The following TPD52 variants were observed in gnomAD, a reference collection of about 807,000 sequenced individuals.
TPD52 encodes the protein prostate and colon associated protein.
Under a neutral mutation model 31.3 loss-of-function variants are expected in TPD52, and 17 were observed. That is an observed-to-expected ratio of 0.54 (90% confidence interval 0.37 to 0.82). TPD52 has a LOEUF of 0.82. TPD52 is among the 40% of genes least tolerant of loss of function. TPD52 has a pLI of 0.00. For synonymous variants in TPD52, 83 were observed against 89.6 expected (o/e 0.93, Z 0.42); for missense variants, 212 against 240.1 (o/e 0.88, Z 0.77).
chr8:80,091,098 T>C (rs1816223145), intron 1 of TPD52, among the ~76,000 whole-genome samples: 2 of 152,192 alleles, frequency 1.3e-5, no homozygotes, highest in Admixed American at 1.3e-4. Context: ...AGCCTGTACC[T>C]GGGAAAGTCA....
At chr8:80,161,255 C>T (rs960242147) in intron 1 of TPD52, among the ~76,000 whole-genome samples, 1 of 152,094 alleles carries the variant, frequency 6.6e-6, no homozygotes, top group Non-Finnish European at 1.5e-5. Flanking sequence ...AGCAAAGTAC[C>T]AATTTAACTT....
chr8:80,067,109 T>C (rs1213104664), intron 1 of TPD52: 1 of 152,202 alleles, frequency 6.6e-6, no homozygotes, highest in East Asian at 1.9e-4. Context: ...ATGCTTTATG[T>C]ATACTGCCCA....
At chr8:80,056,821 G>A (rs1471926064) in intron 2 of TPD52, among the ~76,000 whole-genome samples, 2 of 152,134 alleles carry the variant, frequency 1.3e-5, no homozygotes, top group African/African-American at 4.8e-5. Context: ...TAAACATAGA[G>A]CTACCATATG....
chr8:80,055,417 G>C (rs2130579242), intron 2 of TPD52, among the ~76,000 whole-genome samples: 2 of 152,218 alleles, frequency 1.3e-5, no homozygotes, highest in Middle Eastern at 6.8e-3. Flanking sequence ...TATATACAAA[G>C]ATCAACTCAA....
Position 80,171,486 on chromosome 8 carries a change from T to G in TPD52, c.-43A>C. 6.4e-7 allele frequency: 1 copy of G among 1,553,210 alleles called. No individual in the cohort carries two copies. Among genetic ancestry groups the G allele is most frequent in the Non-Finnish European group, 8.6e-7 (1 of 1,162,086 alleles). Reference sequence around the variant, plus strand: ...TCGTGTCCTCTGCAGCACCCCCGCCTGCAGCCCGTCCCGGCTCGGATCGCC... The same window carrying G: ...TCGTGTCCTCTGCAGCACCCCCGCCGGCAGCCCGTCCCGGCTCGGATCGCC... On this transcript the variant is annotated 5_prime_UTR_variant, in exon 1 of 8. Transcript: ENST00000518937.
chr8:80,146,039 G>A (rs1810167701), intron 1 of TPD52, among the ~76,000 whole-genome samples: 1 of 152,176 alleles, frequency 6.6e-6, no homozygotes, highest in South Asian at 2.1e-4. Flanking sequence ...GGTAATGCTA[G>A]GACGTAACAC....
chr8:80,159,044 A>T (rs1191557400), intron 1 of TPD52, among the ~76,000 whole-genome samples: 3 of 152,120 alleles, frequency 2.0e-5, no homozygotes, highest in African/African-American at 7.2e-5. Context: ...TATGTCCAAT[A>T]TCACACTTGT....
At chr8:80,040,823 G>T (rs1810310242) in intron 7 of TPD52, among the ~76,000 whole-genome samples, 1 of 152,130 alleles carries the variant, frequency 6.6e-6, no homozygotes, top group African/African-American at 2.4e-5. Context: ...AATAAAGCAG[G>T]TCTCTTGAAA....
intron 1 of TPD52, among the ~76,000 whole-genome samples, chr8:80,152,691 GA>G (rs1375381549): frequency 6.8e-6 from 1 of 146,248 alleles, no homozygotes; most frequent in African/African-American, 2.5e-5. Flanking sequence ...TGAGGCAAGA[GA>G]ATCACTTGAA....
intron 1 of TPD52, among the ~76,000 whole-genome samples, chr8:80,131,235 A>C (rs1808997096): frequency 6.6e-6 from 1 of 152,220 alleles, no homozygotes; most frequent in African/African-American, 2.4e-5. Context: ...AGAATGGCTA[A>C]GCTACTTGAA....
At chr8:80,044,140 A>G (rs1278528542) in intron 6 of TPD52, 27 bp downstream of exon 6, 1 of 1,569,920 alleles carries the variant, frequency 6.4e-7, no homozygotes, top group East Asian at 2.3e-5. Context: ...CATAAGACCA[A>G]CTACATTTCA....
chr8:80,108,076 T>C (rs1264443797), intron 1 of TPD52, among the ~76,000 whole-genome samples: 1 of 152,212 alleles, frequency 6.6e-6, no homozygotes, highest in Non-Finnish European at 1.5e-5. Flanking sequence ...GCATGGATGA[T>C]AGCTGAATTT....
chr8:80,094,715 GT>G (rs1260648969), intron 1 of TPD52, among the ~76,000 whole-genome samples: 1 of 150,784 alleles, frequency 6.6e-6, no homozygotes, highest in Non-Finnish European at 1.5e-5. Context: ...CTTAAAAATG[GT>G]TAAAATCACA....
intron 1 of TPD52, among the ~76,000 whole-genome samples, chr8:80,165,739 G>T (rs1038723869): frequency 6.6e-6 from 1 of 152,140 alleles, no homozygotes; most frequent in African/African-American, 2.4e-5. Flanking sequence ...TAATCGATCA[G>T]GCCAAGCCAC....
intron 1 of TPD52, among the ~76,000 whole-genome samples, chr8:80,073,830 T>TCATA (rs1474820675): frequency 1.3e-5 from 2 of 152,208 alleles, no homozygotes; most frequent in Admixed American, 6.6e-5. Context: ...GACTTCCATC[T>TCATA]CATACATAAT....
intron 1 of TPD52, among the ~76,000 whole-genome samples, chr8:80,101,093 T>C (rs1806696524): frequency 1.3e-5 from 2 of 152,136 alleles, no homozygotes; most frequent in African/African-American, 2.4e-5. Flanking sequence ...GACAACAACA[T>C]ATTTAAAAGA....
chr8:80,142,488 T>C (rs2131150183), intron 1 of TPD52, among the ~76,000 whole-genome samples: 1 of 152,326 alleles, frequency 6.6e-6, no homozygotes, highest in South Asian at 2.1e-4. Flanking sequence ...CAGTGGCTCA[T>C]GCCTATAATC....
intron 1 of TPD52, among the ~76,000 whole-genome samples, chr8:80,151,427 T>C (rs1432785360): frequency 1.3e-5 from 2 of 152,182 alleles, no homozygotes; most frequent in Non-Finnish European, 2.9e-5. Context: ...TGTTAAAGTA[T>C]ATTAAACAAA....
At chr8:80,081,358 C>CT (rs898114081) in intron 1 of TPD52, among the ~76,000 whole-genome samples, 2 of 135,922 alleles carry the variant, frequency 1.5e-5, no homozygotes, top group African/African-American at 5.7e-5. Context: ...TAAAACAAAA[C>CT]TAAGTCACCA....
Sources: allele counts gnomAD v4.1 joint callset (sites outside exome capture counted in the v4.1 genomes callset), GRCh38; gene constraint gnomAD v4.1.1; transcripts MANE v1.5; gene names NCBI Gene and HGNC (gene_info 2026-07-23, HGNC 2026-07-21).